DPP10: variants seen among roughly 807,000 people sequenced by gnomAD.
The protein encoded by DPP10 is inactive dipeptidyl peptidase 10.
Under a neutral mutation model 120.9 loss-of-function variants are expected in DPP10, and 33 were observed. The observed-to-expected ratio is 0.27, with a 90% confidence interval of 0.21 to 0.37. The LOEUF (loss-of-function observed/expected upper bound fraction) is 0.37. Ranked by LOEUF, DPP10 falls within the 10% of genes least tolerant of loss-of-function variation. The probability of loss-of-function intolerance (pLI) is 1.00; values close to 1 mark genes in which losing one functional copy is unlikely to be tolerated. For missense variants in DPP10, 816 were observed against 942.8 expected, an observed-to-expected ratio of 0.87 and a Z score of 1.76; for synonymous variants, 337 against 326.1, an observed-to-expected ratio of 1.03 and a Z score of -0.36.
chr2:114,630,934 T>C (rs775144510), intron 1 of DPP10, among the ~76,000 whole-genome samples: 10 of 152,010 alleles, frequency 6.6e-5, no homozygotes, highest in Non-Finnish European at 1.2e-4. Context: ...TTGATATGTG[T>C]CTCCCTAGAG....
chr2:115,369,677 T>C (rs749151912), intron 3 of DPP10, among the ~76,000 whole-genome samples: 2 of 152,044 alleles, frequency 1.3e-5, no homozygotes, highest in Non-Finnish European at 2.9e-5. Context: ...GAAGTAGAGC[T>C]TTAGTAGGGT....
At chr2:115,322,797 C>A (rs13384451) in intron 2 of DPP10, among the ~76,000 whole-genome samples, 2 of 151,942 alleles carry the variant, frequency 1.3e-5, no homozygotes, top group Admixed American at 6.6e-5. Context: ...TTATGTTTAT[C>A]GTATTTGTAG....
chr2:115,337,058 G>A (rs998625545), intron 2 of DPP10, among the ~76,000 whole-genome samples: 4 of 151,348 alleles, frequency 2.6e-5, no homozygotes, highest in South Asian at 2.1e-4. Context: ...ACTGAGTTCC[G>A]TTGTAACTAT....
chr2:115,831,886 G>A (rs1688963495), intron 21 of DPP10, among the ~76,000 whole-genome samples: 3 of 152,150 alleles, frequency 2.0e-5, no homozygotes, highest in Non-Finnish European at 2.9e-5. Context: ...AGCAAAATCC[G>A]ATCACGGGAA....
intron 3 of DPP10, among the ~76,000 whole-genome samples, chr2:115,384,695 A>G (rs2066771536): frequency 6.9e-6 from 1 of 144,100 alleles, no homozygotes; most frequent in South Asian, 2.2e-4. Flanking sequence ...AAGAAGAAGA[A>G]AAAGAAAGAA....
intron 19 of DPP10, among the ~76,000 whole-genome samples, chr2:115,803,508 T>C (rs1685523714): frequency 6.6e-6 from 1 of 152,242 alleles, no homozygotes; most frequent in South Asian, 2.1e-4. Flanking sequence ...CATTAGTTGA[T>C]GCAGTTTCTT....
intron 1 of DPP10, among the ~76,000 whole-genome samples, chr2:114,721,567 A>G (rs1359872915): frequency 6.6e-6 from 1 of 152,164 alleles, no homozygotes; most frequent in Admixed American, 6.5e-5. Flanking sequence ...GCTTCTCTTC[A>G]TCACCCAATT....
At chr2:114,480,533 A>G (rs187824711) in intron 1 of DPP10, among the ~76,000 whole-genome samples, 1 of 152,146 alleles carries the variant, frequency 6.6e-6, no homozygotes, top group African/African-American at 2.4e-5. Context: ...GCCATAAAAA[A>G]AGGATGAGTT....
chr2:115,464,589 C>G (rs1015089613), intron 3 of DPP10, among the ~76,000 whole-genome samples: 1 of 152,084 alleles, frequency 6.6e-6, no homozygotes, highest in Admixed American at 6.6e-5. Context: ...ACTGTTTACA[C>G]ATGCTACTCC....
chr2:115,037,430 C>A (rs1335193658), intron 1 of DPP10, among the ~76,000 whole-genome samples: 1 of 151,728 alleles, frequency 6.6e-6, no homozygotes, highest in African/African-American at 2.4e-5. Context: ...ATATTTTTTT[C>A]TTCTATTTAC....
At position 114,871,221 on chromosome 2, in the gene DPP10, G is replaced by GA. The variant is rs550441774; in HGVS notation, c.60+428390dup. Among the ~76,000 whole-genome samples, 41 of 82,672 alleles carry GA rather than the reference G, an allele frequency of 5.0e-4. 7 individuals are homozygous for GA. Among genetic ancestry groups the GA allele is most frequent in the African/African-American group, 1.3e-3 (35 of 27,982 alleles). 54.2% of individuals were successfully genotyped at this position (82,672 alleles called of 152,430 possible). ...GAGGTTGTCACCATGAGCCCCTTTGGAAAAAAATCCATCTTTCTCTATTAT... is the reference window on the plus strand; with the variant it reads ...GAGGTTGTCACCATGAGCCCCTTTGGAAAAAAAATCCATCTTTCTCTATTAT... On this transcript the variant is annotated intron_variant, in intron 1 of 25. Transcript: ENST00000410059.
intron 1 of DPP10, among the ~76,000 whole-genome samples, chr2:114,443,336 A>G (rs1333160580): frequency 5.3e-5 from 8 of 152,142 alleles, no homozygotes; most frequent in Non-Finnish European, 1.2e-4. Flanking sequence ...AGGATGAAAG[A>G]CTAGAGAGAG....
At chr2:115,439,403 T>G (rs1165433560) in intron 3 of DPP10, among the ~76,000 whole-genome samples, 2 of 152,212 alleles carry the variant, frequency 1.3e-5, no homozygotes, top group African/African-American at 4.8e-5. Flanking sequence ...GTGATGATGT[T>G]TGCACTGCAG....
At chr2:114,952,685 G>A (rs1473346348) in intron 1 of DPP10, among the ~76,000 whole-genome samples, 1 of 152,172 alleles carries the variant, frequency 6.6e-6, no homozygotes, top group Non-Finnish European at 1.5e-5. Flanking sequence ...AGACATTAGT[G>A]TGAATACAAC....
At chr2:114,742,860 A>G (rs1028658532) in intron 1 of DPP10, among the ~76,000 whole-genome samples, 1 of 152,254 alleles carries the variant, frequency 6.6e-6, no homozygotes, top group African/African-American at 2.4e-5. Flanking sequence ...GTCATCAGCT[A>G]GAAGAAATGC....
At chr2:115,462,556 T>A (rs1027287225) in intron 3 of DPP10, among the ~76,000 whole-genome samples, 1 of 152,254 alleles carries the variant, frequency 6.6e-6, no homozygotes, top group South Asian at 2.1e-4. Flanking sequence ...ACCTCTTCAA[T>A]AGCAATTATA....
At chr2:115,298,669 T>G (rs2060993883) in intron 1 of DPP10, among the ~76,000 whole-genome samples, 1 of 152,102 alleles carries the variant, frequency 6.6e-6, no homozygotes, top group African/African-American at 2.4e-5. Context: ...TTTCCCAGAC[T>G]TCAGCACATA....
rs2073448556 is a variant in DPP10 at position 115,455,450 on chromosome 2, G to C, written c.272-44060G>C. On this transcript the variant is annotated intron_variant, in intron 3 of 25. Transcript: ENST00000410059. The stretch of plus-strand genomic sequence containing the variant: ...CAAACTACTGTTGACTTTCTTCACA[G>C]AATTGGAAAAAACTATTTTAAATTT... 3.3e-5 allele frequency among the ~76,000 whole-genome samples: 5 copies of C among 152,132 alleles called. No individual in the cohort carries two copies. In the South Asian group the frequency reaches 1.0e-3, roughly 32 times the overall value.
chr2:115,802,757 A>G (rs1685419783), intron 19 of DPP10, among the ~76,000 whole-genome samples: 1 of 151,962 alleles, frequency 6.6e-6, no homozygotes, highest in African/African-American at 2.4e-5. Context: ...GAGTTTCTTA[A>G]TCCTGAGTTC....
Sources: allele counts gnomAD v4.1 joint callset (sites outside exome capture counted in the v4.1 genomes callset), GRCh38; gene constraint gnomAD v4.1.1; transcripts MANE v1.5; gene names NCBI Gene and HGNC (gene_info 2026-07-23, HGNC 2026-07-21).